The following ZNF559 variants were observed in gnomAD, a reference collection of about 807,000 sequenced individuals.
The protein encoded by ZNF559 is zinc finger protein 559, also known as putative protein product of Nbla00121.
A neutral mutation model predicts 14.2 loss-of-function variants in ZNF559; 17 were observed. That is an observed-to-expected ratio of 1.20 (90% CI 0.82 to 1.80). The LOEUF is 1.80. Among genes scored for constraint, ZNF559 ranks in the 40% most tolerant of loss-of-function variants. The pLI is 0.00. For synonymous variants in ZNF559, 244 were observed against 212.4 expected (o/e 1.15, Z -1.29); for missense variants, 740 against 629.7 (o/e 1.18, Z -1.88).
At chr19:9,329,489 A>G (rs2066823100) in intron 2 of ZNF559, among the ~76,000 whole-genome samples, 1 of 152,066 alleles carries the variant, frequency 6.6e-6, no homozygotes, top group African/African-American at 2.4e-5. Flanking sequence ...TTATATAATG[A>G]TCTTTGTCTC....
chr19:9,340,727 T>C (rs993145316), intron 5 of ZNF559, among the ~76,000 whole-genome samples: 2 of 144,280 alleles, frequency 1.4e-5, no homozygotes, highest in African/African-American at 5.4e-5. Context: ...CCACCTTGCC[T>C]GGCTAATTTT....
At chr19:9,327,926 C>T (rs2066715098) in intron 2 of ZNF559, among the ~76,000 whole-genome samples, 1 of 152,208 alleles carries the variant, frequency 6.6e-6, no homozygotes, top group African/African-American at 2.4e-5. Context: ...TTTCCTCTTA[C>T]AGACCTGGAA....
chr19:9,340,470 T>C (rs1017827702), intron 5 of ZNF559, among the ~76,000 whole-genome samples: 50 of 152,006 alleles, frequency 3.3e-4, no homozygotes, highest in African/African-American at 1.1e-3. Context: ...CTGTATCCAT[T>C]TCCTTTCAAC....
chr19:9,344,994 A>G lies in ZNF559; in HGVS notation c.*1926A>G, dbSNP rs1282485915. On this transcript the variant is annotated 3_prime_UTR_variant, in exon 7 of 7. Transcript: ENST00000603380. ...CCAGATGGTTTCCTCATGCCCTTTT[A>G]TAATTTCTTCTTCTCCTCACCCTTC... 1 of 152,112 alleles carries G rather than the reference A, an allele frequency of 6.6e-6. No individual in the cohort carries two copies. The highest frequency in any genetic ancestry group is 2.4e-5 in the African/African-American group (1 of 41,434). The allele number at this position is 152,112 out of a possible 1,614,324, so 9.4% of individuals were successfully genotyped here.
chr19:9,328,812 T>G (rs2066779694), intron 2 of ZNF559, among the ~76,000 whole-genome samples: 1 of 152,198 alleles, frequency 6.6e-6, no homozygotes, highest in African/African-American at 2.4e-5. Flanking sequence ...GAATGTTGTG[T>G]CAGAAGTCTT....
rs1244112104 is a variant in ZNF559, at chr19:9,341,161, A to G, written c.220A>G (p.Lys74Glu). Residue 74 changes from lysine to glutamate, a missense_variant, in exon 6 of 7, where the codon AAA becomes GAA. By Grantham distance (56) the Lys-to-Glu change is moderately conservative (BLOSUM62 1). Transcript: ENST00000603380. ...ACCTCAGCAGAATTTTTTGCAGGGG[A>G]AAACATCCAGTGTGGTGGAAATGGT... ...SAPQQNFLQG[K>E]TSSVVEMERN... The G allele has an allele frequency of 1.9e-6, 3 of 1,613,636 alleles. No homozygotes were observed. The highest frequency in any genetic ancestry group is 2.7e-5 in the African/African-American group (2 of 74,882).
At position 9,342,976 on chromosome 19, in the gene ZNF559, A is replaced by G; in HGVS notation, c.1525A>G (p.Ile509Val). Reference protein sequence around the residue: ...GKAFTRSTYLIRHLRSHSVEK... With the variant: ...GKAFTRSTYLVRHLRSHSVEK... ...AGCCTTTACTCGGTCCACATATCTT[A>G]TTCGACATCTAAGAAGTCATAGTGT... is the stretch of plus-strand genomic sequence containing the variant. The change falls in exon 7 of 7, where the codon ATT (isoleucine) becomes GTT (valine). Residue 509 changes from isoleucine to valine, a missense_variant. Coordinates refer to ENST00000603380, the MANE Select transcript of ZNF559 (RefSeq NM_032497.3). The G allele has an allele frequency of 6.2e-7, 1 of 1,614,252 alleles. No homozygotes were observed. Among genetic ancestry groups the G allele is most frequent in the Non-Finnish European group, 8.5e-7 (1 of 1,180,042 alleles).
In ZNF559 at chr19:9,324,497, C is replaced by T. The variant is rs1049853968; in HGVS notation, c.-205-198C>T. ...TTTCCATTTTCCCTGCTCCCCTCTG[C>T]AGAAGCCTCATAGGGCCCGGCGCGG... is the stretch of plus-strand genomic sequence containing the variant. On this transcript the variant is annotated intron_variant, in intron 1 of 6. Coordinates refer to ENST00000603380, the MANE Select transcript of ZNF559 (RefSeq NM_032497.3). The T allele has an allele frequency of 4.4e-6, 6 of 1,369,820 alleles. No individual in the cohort carries two copies. In the African/African-American group the frequency reaches 4.4e-5, roughly 10 times the overall value. 84.9% of individuals were successfully genotyped at this position (1,369,820 alleles called of 1,614,324 possible).
At chr19:9,331,894 A>T (rs1216269444) in intron 2 of ZNF559, among the ~76,000 whole-genome samples, 1 of 152,210 alleles carries the variant, frequency 6.6e-6, no homozygotes, top group Non-Finnish European at 1.5e-5. Context: ...TGAATTGCTA[A>T]TTCAGACCCC....
chr19:9,325,887 T>A (rs1329106215), intron 2 of ZNF559, among the ~76,000 whole-genome samples: 1 of 152,140 alleles, frequency 6.6e-6, no homozygotes, highest in East Asian at 1.9e-4. Context: ...CCATTTAAAT[T>A]GGAAGTGAAT....
intron 6 of ZNF559, 84 bp downstream of exon 6, chr19:9,341,268 C>T (rs1430682665): frequency 3.0e-6 from 4 of 1,348,254 alleles, no homozygotes; most frequent in South Asian, 1.2e-5. Flanking sequence ...AGCACAATAA[C>T]CTTGAGACAT....
At chr19:9,328,776 G>T (rs1401221752) in intron 2 of ZNF559, among the ~76,000 whole-genome samples, 2 of 152,132 alleles carry the variant, frequency 1.3e-5, no homozygotes, top group Non-Finnish European at 2.9e-5. Flanking sequence ...CATTTCCTTG[G>T]AAAACAGTAA....
rs749067166 is a variant in ZNF559, at chr19:9,342,305, C to G, written c.854C>G (p.Ala285Gly). 8.8e-6 allele frequency: 14 copies of G among 1,592,234 alleles called. No homozygotes were observed. Among genetic ancestry groups the G allele is most frequent in the Non-Finnish European group, 1.2e-5 (14 of 1,172,610 alleles). Residue 285 changes from alanine to glycine, a missense_variant, in exon 7 of 7, where the codon GCT becomes GGT. Ala to Gly is a moderately conservative substitution (Grantham distance 60). Transcript: ENST00000603380. ...GCCTTTGCTTTTTCCCCAGATCTTG[C>G]TAAACATATAAGACTTAGAACTAGA... The part of the protein sequence containing the change: ...GKAFAFSPDL[A>G]KHIRLRTRGK...
At chr19:9,326,297 G>C (rs1033556660) in intron 2 of ZNF559, among the ~76,000 whole-genome samples, 1 of 151,966 alleles carries the variant, frequency 6.6e-6, no homozygotes, top group Non-Finnish European at 1.5e-5. Flanking sequence ...AGTAGAGACA[G>C]GGTTTCACCG....
chr19:9,336,574 G>C (rs909924625), intron 2 of ZNF559, among the ~76,000 whole-genome samples: 15 of 151,304 alleles, frequency 9.9e-5, no homozygotes, highest in African/African-American at 3.6e-4. Context: ...CAGCCTGGGC[G>C]ACAGAGCGAG....
chr19:9,339,151 A>C, intron 4 of ZNF559, 42 bp from the exon 5 acceptor site: 1 of 1,611,518 alleles, frequency 6.2e-7, no homozygotes, highest in East Asian at 2.2e-5. Context: ...AACATAGTGG[A>C]GAACGTACTT....
intron 2 of ZNF559, among the ~76,000 whole-genome samples, chr19:9,332,367 A>ATATATG (rs1178994709): frequency 6.6e-6 from 1 of 151,990 alleles, no homozygotes; most frequent in Non-Finnish European, 1.5e-5. Context: ...ATATATATAT[A>ATATATG]TATCACTGTA....
chr19:9,341,123 C>A lies in ZNF559; in HGVS notation c.182C>A (p.Thr61Asn), dbSNP rs1599352727. Residue 61 changes from threonine to asparagine, a missense_variant, in exon 6 of 7, where the codon ACC becomes AAC. Thr to Asn is a moderately conservative substitution (Grantham distance 65). Transcript: ENST00000603380. ...VAVDWESHIN[T>N]KWSAPQQNFL... ...TCAGATTGGGAGAGTCATATTAATA[C>A]CAAATGGTCAGCACCTCAGCAGAAT... The A allele has an allele frequency of 1.9e-6, 3 of 1,612,188 alleles. No individual in the cohort carries two copies. Among genetic ancestry groups the A allele is most frequent in the Non-Finnish European group, 2.5e-6 (3 of 1,179,600 alleles).
chr19:9,334,126 A>T (rs1272447315), intron 2 of ZNF559, among the ~76,000 whole-genome samples: 1 of 152,208 alleles, frequency 6.6e-6, no homozygotes, highest in African/African-American at 2.4e-5. Context: ...CGACCATATA[A>T]CATCATTATT....
Sources: allele counts gnomAD v4.1 joint callset (sites outside exome capture counted in the v4.1 genomes callset), GRCh38; gene constraint gnomAD v4.1.1; transcripts MANE v1.5; gene names NCBI Gene and HGNC (gene_info 2026-07-23, HGNC 2026-07-21).